The following BRWD1 variants were observed in gnomAD, a reference collection of about 807,000 sequenced individuals.
BRWD1 encodes bromodomain and WD repeat domain containing 1, also known as bromodomain and WD repeat-containing protein 1.
BRWD1 carries 82 observed loss-of-function variants against 251.2 expected under a neutral mutation model. The ratio of observed to expected loss-of-function variants is 0.33; its 90% CI spans 0.27 to 0.39. The LOEUF is 0.39. BRWD1 is among the 10% of genes least tolerant of loss of function. The pLI is 1.00. For synonymous variants in BRWD1, 918 were observed against 902.8 expected, an observed-to-expected ratio of 1.02 and a Z score of -0.30; for missense variants, 2,233 against 2,711.6, an observed-to-expected ratio of 0.82 and a Z score of 3.92.
intron 9 of BRWD1, among the ~76,000 whole-genome samples, chr21:39,279,638 CAAAAAAAAAA>C (rs77282416): frequency 1.5e-5 from 1 of 66,928 alleles, no homozygotes; most frequent in African/African-American, 8.5e-5. Flanking sequence ...GACTCCATCT[CAAAAAAAAAA>C]AAAAAAAAGA....
intron 7 of BRWD1, 88 bp downstream of exon 7, chr21:39,295,655 G>C (rs965004851): frequency 1.1e-5 from 12 of 1,122,824 alleles, no homozygotes; most frequent in Non-Finnish European, 1.3e-5. Flanking sequence ...CTGAGGATGG[G>C]AAACAGAAAC....
Position 39,275,646 on chromosome 21 carries a change from T to C in BRWD1, c.1145+527A>G, listed in dbSNP as rs184669356. ...TATGTGAAGTGGCAGAGATGTTTAT[T>C]GGCTTGATTTAATCATCCCACAATG... is the stretch of plus-strand genomic sequence containing the variant. On this transcript the variant is annotated intron_variant, in intron 12 of 40. Coordinates refer to ENST00000342449, the MANE Select transcript of BRWD1 (RefSeq NM_033656.4). Among the ~76,000 whole-genome samples the C allele has an allele frequency of 1.1e-3, 167 of 152,342 alleles. 1 individual carries two copies. Among genetic ancestry groups the C allele is most frequent in the African/African-American group, 3.8e-3 (158 of 41,586 alleles).
intron 19 of BRWD1, among the ~76,000 whole-genome samples, chr21:39,252,515 A>G (rs2034429661): frequency 6.6e-6 from 1 of 152,224 alleles, no homozygotes; most frequent in Non-Finnish European, 1.5e-5. Context: ...ACATACAGTT[A>G]TGAAAAATTC....
chr21:39,261,334 C>T (rs991446256), intron 17 of BRWD1, among the ~76,000 whole-genome samples: 1 of 152,158 alleles, frequency 6.6e-6, no homozygotes, highest in Admixed American at 6.5e-5. Context: ...AGAGCTCTCA[C>T]AGGACAGAAA....
Position 39,188,342 on chromosome 21 carries a change from A to G in BRWD1, c.*7917T>C, listed in dbSNP as rs2146433016. The G allele has an allele frequency of 1.0e-6, 1 of 985,372 alleles. No homozygotes were observed. The highest frequency in any genetic ancestry group is 1.2e-6 in the Non-Finnish European group (1 of 829,910). 61.0% of individuals were successfully genotyped at this position (985,372 alleles called of 1,614,324 possible). On this transcript the variant is annotated 3_prime_UTR_variant, in exon 41 of 41. Coordinates refer to ENST00000342449, the MANE Select transcript of BRWD1 (RefSeq NM_033656.4). ...TGCCTGAAGTTTCCAGACATTTAGC[A>G]TTCAAAAGGTAAGGCTGTAGATCAC...
intron 5 of BRWD1, 51 bp from the exon 6 acceptor site, chr21:39,296,414 A>G: frequency 1.3e-6 from 2 of 1,495,044 alleles, no homozygotes; most frequent in Non-Finnish European, 1.8e-6. Flanking sequence ...TAACCCCAAG[A>G]AAGATTTTAT....
At chr21:39,203,609 A>G (rs997174124) in intron 37 of BRWD1, among the ~76,000 whole-genome samples, 1 of 150,946 alleles carries the variant, frequency 6.6e-6, no homozygotes, top group Non-Finnish European at 1.5e-5. Flanking sequence ...AGGTTTCACC[A>G]TGTTAGCCAG....
Position 39,199,197 on chromosome 21 carries a change from G to A in BRWD1, c.5219C>T (p.Ser1740Phe). ...TGTCTTTGAAGGTGCTGGAGTATGG[G>A]ACTTGTAACCATTAGCATGCCAATT... is the stretch of plus-strand genomic sequence containing the variant. ...RKNWHANGYKSHTPAPSKTKF... is the reference protein window; with the variant it reads ...RKNWHANGYKFHTPAPSKTKF... The change falls in exon 40 of 41, where the codon TCC (serine) becomes TTC (phenylalanine). Residue 1740 changes from serine to phenylalanine, a missense_variant. Physicochemically the swap from Ser to Phe is radical, Grantham distance 155. Around this residue, in one of 12 missense-constraint regions of BRWD1, gnomAD observed 928 missense variants for 970.0 expected, o/e 0.96. Coordinates refer to ENST00000342449, the MANE Select transcript of BRWD1 (RefSeq NM_033656.4). 6.2e-7 allele frequency: 1 copy of A among 1,614,110 alleles called. No individual in the cohort carries two copies.
intron 23 of BRWD1, among the ~76,000 whole-genome samples, chr21:39,234,232 T>C (rs1218692773): frequency 6.6e-6 from 1 of 152,160 alleles, no homozygotes; most frequent in African/African-American, 2.4e-5. Context: ...TTCCTGGCCC[T>C]GAAGAAGCTT....
chr21:39,280,035 G>T (rs1203540630), intron 9 of BRWD1, 113 bp downstream of exon 9: 1 of 728,482 alleles, frequency 1.4e-6, no homozygotes, highest in East Asian at 3.0e-5. Context: ...AAGTTCAAAG[G>T]TTAAAAAAAA....
chr21:39,297,595 G>C, intron 5 of BRWD1: 1 of 250,378 alleles, frequency 4.0e-6, no homozygotes, highest in South Asian at 1.5e-4. Flanking sequence ...GTCCTGATTA[G>C]TGCCACAGGG....
Position 39,194,744 on chromosome 21 carries a change from G to A in BRWD1, c.*1515C>T. 1 of 1,535,030 alleles carries A rather than the reference G, an allele frequency of 6.5e-7. No homozygotes were observed. The highest frequency in any genetic ancestry group is 8.7e-7 in the Non-Finnish European group (1 of 1,145,950). On this transcript the variant is annotated 3_prime_UTR_variant, in exon 41 of 41. Coordinates refer to ENST00000342449, the MANE Select transcript of BRWD1 (RefSeq NM_033656.4). The stretch of plus-strand genomic sequence containing the variant: ...CACTTCAAAGATACACAGGAGAAAA[G>A]GTTTTGTCTGAAACCAAACACAATT...
At chr21:39,315,355 C>T (rs922865279), upstream of BRWD1, among the ~76,000 whole-genome samples, 6 of 151,324 alleles carry the variant, frequency 4.0e-5, no homozygotes, top group Non-Finnish European at 8.8e-5. Flanking sequence ...GTGAGGCTGT[C>T]GGGTATGGTG....
intron 8 of BRWD1, among the ~76,000 whole-genome samples, chr21:39,289,982 G>A (rs1303262996): frequency 4.8e-5 from 7 of 145,000 alleles, no homozygotes; most frequent in African/African-American, 1.0e-4. Flanking sequence ...CCGAGATCGC[G>A]CCACTGCACT....
rs1011671870 is a variant in BRWD1, at chr21:39,209,996, T to A, written c.4196A>T (p.Lys1399Met). Residue 1399 changes from lysine to methionine, a missense_variant and splice_region_variant, in exon 36 of 41, where the codon AAG becomes ATG. Physicochemically the swap from Lys to Met is moderately conservative, Grantham distance 95. This residue lies in a region of BRWD1 where 69 missense variants were observed against 101.6 expected (regional missense o/e 0.68). Transcript: ENST00000342449. The part of the protein sequence containing the change: ...AKAYTPNKRS[K>M]IYSMTLRLSA... ...TCAATAAACCACATAAAAAATTACC[T>A]TTGATCTTTTGTTTGGTGTATACGC... The A allele has an allele frequency of 1.2e-6, 2 of 1,609,914 alleles. No individual in the cohort carries two copies. The highest frequency in any genetic ancestry group is 2.7e-5 in the African/African-American group (2 of 74,690).
intron 31 of BRWD1, chr21:39,217,052 T>A (rs1568877906): frequency 5.6e-5 from 1 of 17,994 alleles, no homozygotes; most frequent in African/African-American, 1.9e-4. Flanking sequence ...TATATATATT[T>A]ATATATATAT....
intron 4 of BRWD1, among the ~76,000 whole-genome samples, chr21:39,311,417 T>C (rs140842306): frequency 3.0e-4 from 46 of 152,278 alleles, no homozygotes; most frequent in African/African-American, 1.0e-3. Flanking sequence ...GGCCTCCTAA[T>C]GTGCTGAGAT....
At chr21:39,210,682 A>G (rs981320774) in intron 35 of BRWD1, 104 bp downstream of exon 35, 3 of 1,361,992 alleles carry the variant, frequency 2.2e-6, no homozygotes, top group Non-Finnish European at 2.9e-6. Context: ...AAAAAAGTTA[A>G]CATAAAGCCT....
At chr21:39,207,669 T>C (rs1173207094) in intron 36 of BRWD1, among the ~76,000 whole-genome samples, 2 of 152,184 alleles carry the variant, frequency 1.3e-5, no homozygotes, top group Non-Finnish European at 1.5e-5. Flanking sequence ...CCCAAGGGAA[T>C]TGAGCAGGGT....
Sources: allele counts gnomAD v4.1 joint callset (sites outside exome capture counted in the v4.1 genomes callset), GRCh38; gene constraint gnomAD v4.1.1; regional missense constraint gnomAD v4.1.1; transcripts MANE v1.5; gene names NCBI Gene and HGNC (gene_info 2026-07-23, HGNC 2026-07-21).